The following SCLT1 variants were observed in gnomAD, a reference collection of about 807,000 sequenced individuals.
SCLT1 encodes sodium channel and clathrin linker 1, also known as sodium channel-associated protein 1.
SCLT1 carries 78 observed loss-of-function variants against 112.8 expected under a neutral mutation model. The observed-to-expected ratio is 0.69, with a 90% CI of 0.58 to 0.83. The LOEUF (loss-of-function observed/expected upper bound fraction) is 0.83, where lower values mean the gene tolerates loss of function less well. SCLT1 is among the 40% of genes least tolerant of loss of function. The pLI is 0.00. For missense variants in SCLT1, 747 were observed against 770.4 expected, an observed-to-expected ratio of 0.97 and a Z score of 0.36; for synonymous variants, 257 against 254.7, an observed-to-expected ratio of 1.01 and a Z score of -0.09.
chr4:128,900,230 G>A (rs1208000551), intron 18 of SCLT1, among the ~76,000 whole-genome samples: 1 of 152,176 alleles, frequency 6.6e-6, no homozygotes, highest in Non-Finnish European at 1.5e-5. Context: ...TCAATCCTAA[G>A]CCAAAAGAAC....
chr4:129,093,202 T>C lies in SCLT1; in HGVS notation c.-99A>G, dbSNP rs901651579. The C allele has an allele frequency of 1.6e-5, 19 of 1,168,896 alleles. No homozygotes were observed. The highest frequency in any genetic ancestry group is 1.4e-4 in the African/African-American group (9 of 65,902). 72.4% of individuals were successfully genotyped at this position (1,168,896 alleles called of 1,614,324 possible). On this transcript the variant is annotated 5_prime_UTR_variant, in exon 1 of 21. Coordinates refer to ENST00000281142, the MANE Select transcript of SCLT1 (RefSeq NM_144643.4). ...AAAACAAAACTAAGCCAACGCTCGGTTGGTTGTCAAGCGCTCCAGCGGTGC... is the reference window on the plus strand; with the variant it reads ...AAAACAAAACTAAGCCAACGCTCGGCTGGTTGTCAAGCGCTCCAGCGGTGC...
intron 18 of SCLT1, among the ~76,000 whole-genome samples, chr4:128,928,128 CCAA>C (rs762932231): frequency 4.6e-5 from 7 of 151,628 alleles, no homozygotes; most frequent in South Asian, 4.2e-4. Context: ...CTACAAAAAC[CCAA>C]CAACAACAAA....
At chr4:129,056,357 T>C (rs1749390116) in intron 2 of SCLT1, among the ~76,000 whole-genome samples, 1 of 152,174 alleles carries the variant, frequency 6.6e-6, no homozygotes, top group Non-Finnish European at 1.5e-5. Flanking sequence ...TTGCATTCCA[T>C]TGGTCTATGT....
chr4:128,911,409 T>C (rs964049676), intron 18 of SCLT1, among the ~76,000 whole-genome samples: 7 of 152,198 alleles, frequency 4.6e-5, no homozygotes, highest in African/African-American at 1.7e-4. Flanking sequence ...CAAAATTCTT[T>C]GTGATACATA....
In SCLT1 at chr4:128,943,139, T is replaced by G. The variant is rs1737853204; in HGVS notation, c.1489A>C (p.Asn497His). Residue 497 changes from asparagine (N) to histidine (H), a missense_variant, in exon 17 of 21, where the codon AAT becomes CAT. Asn to His is a moderately conservative substitution (Grantham distance 68). Transcript: ENST00000281142. ...RYQEMIQKLQNVLESERENCG... is the reference protein window; with the variant it reads ...RYQEMIQKLQHVLESERENCG... ...TTCTCTCTCTCAGACTCCAATACAT[T>G]TTGAAGTTTCTGAATCATTTCTTGG... 3.7e-6 allele frequency: 6 copies of G among 1,610,950 alleles called. No homozygotes were observed. Among genetic ancestry groups the G allele is most frequent in the Non-Finnish European group, 5.1e-6 (6 of 1,178,776 alleles).
At chr4:128,910,069 G>A (rs574891073) in intron 18 of SCLT1, among the ~76,000 whole-genome samples, 1 of 152,228 alleles carries the variant, frequency 6.6e-6, no homozygotes, top group South Asian at 2.1e-4. Context: ...CCAACTGCAG[G>A]GACACGTATG....
chr4:128,892,574 C>T (rs1733412201), intron 18 of SCLT1, among the ~76,000 whole-genome samples: 1 of 152,126 alleles, frequency 6.6e-6, no homozygotes. Context: ...TCTCAAGTAT[C>T]CTATAGTTGA....
Position 128,875,464 on chromosome 4 carries a change from C to T in SCLT1, n.356-998G>A, listed in dbSNP as rs117260191. 6.0e-3 allele frequency among the ~76,000 whole-genome samples: 881 copies of T among 147,930 alleles called. 16 individuals carry two copies. The highest frequency in any genetic ancestry group is 0.05 in the Admixed American group (741 of 14,934). ...CCCACCTGGAGTTCTTTCCAGAATACAGTTTTGGATCTGAAAACAGAATCG... is the reference window on the plus strand; with the variant it reads ...CCCACCTGGAGTTCTTTCCAGAATATAGTTTTGGATCTGAAAACAGAATCG... On this transcript the variant is annotated intron_variant and non_coding_transcript_variant, in intron 4 of 7. Transcript: ENST00000503565.
At chr4:129,047,155 T>C (rs934905559) in intron 2 of SCLT1, among the ~76,000 whole-genome samples, 1 of 152,126 alleles carries the variant, frequency 6.6e-6, no homozygotes, top group Non-Finnish European at 1.5e-5. Context: ...ATTTCGTTTA[T>C]GATTAGTGCT....
intron 18 of SCLT1, among the ~76,000 whole-genome samples, chr4:128,936,005 T>A (rs1286468654): frequency 6.6e-6 from 1 of 152,172 alleles, no homozygotes; most frequent in Admixed American, 6.5e-5. Flanking sequence ...CTTCCCGTGA[T>A]TATCTCCAAC....
intron 11 of SCLT1, among the ~76,000 whole-genome samples, chr4:128,962,704 A>T (rs929444088): frequency 6.6e-6 from 1 of 152,156 alleles, no homozygotes; most frequent in Admixed American, 6.5e-5. Flanking sequence ...TTATCCACCT[A>T]TGTAAAACCT....
chr4:128,918,074 T>A (rs575001719), intron 18 of SCLT1, among the ~76,000 whole-genome samples: 1 of 152,204 alleles, frequency 6.6e-6, no homozygotes, highest in South Asian at 2.1e-4. Flanking sequence ...ACCCCACCCT[T>A]AGTTGAAGTT....
chr4:128,891,708 G>C (rs112700699), intron 18 of SCLT1, among the ~76,000 whole-genome samples: 19 of 141,546 alleles, frequency 1.3e-4, no homozygotes, highest in African/African-American at 4.8e-4. Context: ...GCAGTGGCAT[G>C]ATCTTGGCTC....
chr4:128,994,552 A>G (rs1742844302), intron 8 of SCLT1, among the ~76,000 whole-genome samples: 1 of 152,118 alleles, frequency 6.6e-6, no homozygotes, highest in Non-Finnish European at 1.5e-5. Flanking sequence ...TCTGGATCAT[A>G]TGGTAGTTAT....
intron 5 of SCLT1, among the ~76,000 whole-genome samples, chr4:129,012,242 A>G (rs929077941): frequency 2.0e-5 from 3 of 152,150 alleles, no homozygotes; most frequent in African/African-American, 7.2e-5. Flanking sequence ...CTTTGTTCTC[A>G]TTAGTTTCAA....
intron 17 of SCLT1, among the ~76,000 whole-genome samples, chr4:128,938,219 G>A (rs536791442): frequency 3.3e-5 from 5 of 152,078 alleles, no homozygotes; most frequent in East Asian, 1.9e-4. Context: ...CATTAAATAC[G>A]GTTACTTTCA....
At chr4:129,068,717 G>A (rs1447980173) in intron 2 of SCLT1, among the ~76,000 whole-genome samples, 1 of 152,180 alleles carries the variant, frequency 6.6e-6, no homozygotes, top group Non-Finnish European at 1.5e-5. Context: ...CTCCCACTCT[G>A]TGGATTGTCT....
At chr4:128,917,040 C>T (rs967942311) in intron 18 of SCLT1, among the ~76,000 whole-genome samples, 2 of 152,168 alleles carry the variant, frequency 1.3e-5, no homozygotes, top group Admixed American at 6.5e-5. Flanking sequence ...ACAGCCACTA[C>T]GCCGTGGAGC....
At chr4:128,996,352 C>G (rs1743017378) in intron 8 of SCLT1, among the ~76,000 whole-genome samples, 3 of 152,232 alleles carry the variant, frequency 2.0e-5, no homozygotes, top group Non-Finnish European at 4.4e-5. Context: ...TATTGAAAGA[C>G]AGTTTATTTA....
Sources: gnomAD v4.1 joint callset for allele counts (sites outside exome capture counted in the v4.1 genomes callset) on GRCh38, gnomAD v4.1.1 for gene constraint, MANE v1.5 for transcripts, NCBI Gene and HGNC (gene_info 2026-07-23, HGNC 2026-07-21) for gene names.